Variants in C1orf21 observed in about 807,000 individuals in gnomAD.
C1orf21 encodes chromosome 1 open reading frame 21, also known as uncharacterized protein C1orf21.
In C1orf21, 3 loss-of-function variants were observed where a neutral mutation model predicts 18.7. That is an observed-to-expected ratio of 0.16 (90% CI 0.07 to 0.42). The LOEUF (loss-of-function observed/expected upper bound fraction) is 0.42. Ranked by LOEUF, C1orf21 falls within the 10% of genes least tolerant of loss-of-function variation. The probability of loss-of-function intolerance (pLI) is 0.99; values close to 1 mark genes in which losing one functional copy is unlikely to be tolerated. For missense variants in C1orf21, 104 were observed against 143.6 expected (o/e 0.72, Z 1.41); for synonymous variants, 41 against 46.4 (o/e 0.88, Z 0.47).
chr1:184,518,590 A>G (rs1401335659), intron 3 of C1orf21, among the ~76,000 whole-genome samples: 2 of 152,166 alleles, frequency 1.3e-5, no homozygotes, highest in Non-Finnish European at 2.9e-5. Flanking sequence ...TTTTGAAGCA[A>G]CTACATGACT....
intron 5 of C1orf21, among the ~76,000 whole-genome samples, chr1:184,600,995 A>G (rs1461415725): frequency 2.0e-5 from 3 of 152,240 alleles, no homozygotes; most frequent in African/African-American, 7.2e-5. Flanking sequence ...AATTTCTTCC[A>G]AATTGTTTTC....
intron 1 of C1orf21, among the ~76,000 whole-genome samples, chr1:184,468,011 T>TGTGAGAGAGA (rs4011656): frequency 7.3e-6 from 1 of 137,536 alleles, no homozygotes. Context: ...TGTGTGTGTG[T>TGTGAGAGAGA]GAGAGAGAGA....
At chr1:184,576,660 A>G (rs925914699) in intron 3 of C1orf21, among the ~76,000 whole-genome samples, 1 of 152,222 alleles carries the variant, frequency 6.6e-6, no homozygotes, top group Non-Finnish European at 1.5e-5. Context: ...GCAATGCTCA[A>G]CTAAACAGAC....
At chr1:184,545,538 G>A (rs377162498) in intron 3 of C1orf21, among the ~76,000 whole-genome samples, 1 of 151,682 alleles carries the variant, frequency 6.6e-6, no homozygotes, top group Non-Finnish European at 1.5e-5. Flanking sequence ...ACCGATGCTC[G>A]TGTTCCCTGC....
intron 1 of C1orf21, among the ~76,000 whole-genome samples, chr1:184,427,412 C>G (rs1656659832): frequency 6.6e-6 from 1 of 152,140 alleles, no homozygotes. Flanking sequence ...GCTTGGAGGT[C>G]AGGATCTGTC....
intron 5 of C1orf21, among the ~76,000 whole-genome samples, chr1:184,603,861 G>GAACA (rs1659616730): frequency 1.3e-5 from 2 of 152,204 alleles, no homozygotes. Flanking sequence ...CTATTGAACA[G>GAACA]TCATTTACAC....
chr1:184,391,480 G>T (rs1333707173), intron 1 of C1orf21, among the ~76,000 whole-genome samples: 1 of 152,198 alleles, frequency 6.6e-6, no homozygotes, highest in Non-Finnish European at 1.5e-5. Context: ...GCACTTGGAA[G>T]TCACTCAATG....
At chr1:184,571,103 C>T (rs1351353465) in intron 3 of C1orf21, among the ~76,000 whole-genome samples, 1 of 151,932 alleles carries the variant, frequency 6.6e-6, no homozygotes, top group Non-Finnish European at 1.5e-5. Flanking sequence ...ACCATCCCGG[C>T]TAAAACGGTG....
At chr1:184,419,847 GAAAAAGAGGAGGCAAGGGC>G (rs1656517796) in intron 1 of C1orf21, among the ~76,000 whole-genome samples, 1 of 152,160 alleles carries the variant, frequency 6.6e-6, no homozygotes, top group Non-Finnish European at 1.5e-5. Context: ...GCAAAGGGGA[GAAAAAGAGGAGGCAAGGGC>G]ACAGCGCCAG....
chr1:184,558,774 A>G (rs1443030644), intron 3 of C1orf21, among the ~76,000 whole-genome samples: 3 of 152,240 alleles, frequency 2.0e-5, no homozygotes, highest in Non-Finnish European at 4.4e-5. Flanking sequence ...AGCACTAGTA[A>G]TACTAATAGT....
At chr1:184,568,994 G>A (rs921174122) in intron 3 of C1orf21, among the ~76,000 whole-genome samples, 9 of 152,118 alleles carry the variant, frequency 5.9e-5, no homozygotes, top group Non-Finnish European at 1.2e-4. Context: ...CCGTCTTTAG[G>A]GGCTTGCATT....
intron 1 of C1orf21, among the ~76,000 whole-genome samples, chr1:184,460,625 C>A (rs1657289369): frequency 4.3e-5 from 1 of 23,314 alleles, no homozygotes; most frequent in Non-Finnish European, 1.7e-4. Context: ...TCGTCGTCTT[C>A]TTCTTCTTCT....
At chr1:184,429,107 G>A (rs1294618639) in intron 1 of C1orf21, among the ~76,000 whole-genome samples, 5 of 152,150 alleles carry the variant, frequency 3.3e-5, no homozygotes, top group African/African-American at 1.2e-4. Context: ...AGTGCCCAAT[G>A]AGTGCTAAAC....
chr1:184,410,941 C>T (rs763824175), intron 1 of C1orf21, among the ~76,000 whole-genome samples: 68 of 151,350 alleles, frequency 4.5e-4, no homozygotes, highest in Non-Finnish European at 6.3e-4. Flanking sequence ...GGTGAGCCAC[C>T]GCGCCTGGCC....
rs143157490 is a variant in C1orf21, at chr1:184,558,403, A to T, written c.190-32336A>T. On this transcript the variant is annotated intron_variant, in intron 3 of 5. Transcript: ENST00000235307. The stretch of plus-strand genomic sequence containing the variant: ...GTGAAAAATCGTGCTGTTTTAAAAA[A>T]ATTTTCTAGAGTAGTTGCTAGGATT... 5.5e-3 allele frequency among the ~76,000 whole-genome samples: 836 copies of T among 152,348 alleles called. 5 individuals are homozygous for T. The highest frequency in any genetic ancestry group is 0.01 in the Middle Eastern group (3 of 294).
In C1orf21 at chr1:184,628,222, A is replaced by AT. The variant is rs1406432263; in HGVS notation, c.*8667dup. ...GGGCCCCCATCTGTTTCAATTACACATGCCTGTCAGCAAAAACTTCGTGAG... is the reference window on the plus strand; with the variant it reads ...GGGCCCCCATCTGTTTCAATTACACATTGCCTGTCAGCAAAAACTTCGTGAG... On this transcript the variant is annotated 3_prime_UTR_variant, in exon 6 of 6. Transcript: ENST00000235307. The AT allele has an allele frequency of 1.3e-5, 2 of 152,232 alleles. No individual in the cohort carries two copies. Among genetic ancestry groups the AT allele is most frequent in the African/African-American group, 4.8e-5 (2 of 41,536 alleles). The allele number at this position is 152,232 out of a possible 1,614,324, so 9.4% of individuals were successfully genotyped here.
At chr1:184,608,021 T>C (rs981759964) in intron 5 of C1orf21, among the ~76,000 whole-genome samples, 3 of 152,172 alleles carry the variant, frequency 2.0e-5, no homozygotes, top group African/African-American at 7.2e-5. Flanking sequence ...GTTATATCGA[T>C]ATAAGATGAA....
intron 1 of C1orf21, among the ~76,000 whole-genome samples, chr1:184,446,297 A>G (rs547255186): frequency 6.6e-6 from 1 of 152,054 alleles, no homozygotes; most frequent in South Asian, 2.1e-4. Flanking sequence ...ACTGTCTACT[A>G]TATTTTATTT....
chr1:184,570,083 A>G (rs968725537), intron 3 of C1orf21, among the ~76,000 whole-genome samples: 2 of 152,204 alleles, frequency 1.3e-5, no homozygotes, highest in African/African-American at 4.8e-5. Flanking sequence ...TGTTCACCCT[A>G]GAACAAGGAA....
Sources: gnomAD v4.1 joint callset for allele counts (sites outside exome capture counted in the v4.1 genomes callset) on GRCh38, gnomAD v4.1.1 for gene constraint, MANE v1.5 for transcripts, NCBI Gene and HGNC (gene_info 2026-07-23, HGNC 2026-07-21) for gene names.